The following FAF1 variants were observed in gnomAD, a reference collection of about 807,000 sequenced individuals.
FAF1 encodes Fas associated factor 1.
Under a neutral mutation model 92.5 loss-of-function variants are expected in FAF1, and 25 were observed. That is an observed-to-expected ratio of 0.27 (90% CI 0.20 to 0.38). The LOEUF is 0.38. FAF1 is among the 10% of genes least tolerant of loss of function. FAF1 has a pLI of 1.00. For synonymous variants in FAF1, 234 were observed against 273.2 expected, an observed-to-expected ratio of 0.86 and a Z score of 1.42; for missense variants, 636 against 793.3, an observed-to-expected ratio of 0.80 and a Z score of 2.38.
chr1:50,767,675 A>G (rs1183092167), intron 4 of FAF1, among the ~76,000 whole-genome samples: 2 of 152,220 alleles, frequency 1.3e-5, no homozygotes, highest in Non-Finnish European at 2.9e-5. Flanking sequence ...CTTAAGGAAA[A>G]GAAATTCTAA....
chr1:50,684,022 T>A (rs1251572262), intron 7 of FAF1, among the ~76,000 whole-genome samples: 1 of 152,124 alleles, frequency 6.6e-6, no homozygotes, highest in East Asian at 1.9e-4. Context: ...GAAAAATTAA[T>A]CAGTTAGTTA....
At chr1:50,781,770 CT>C (rs1465070701) in intron 4 of FAF1, among the ~76,000 whole-genome samples, 1 of 152,170 alleles carries the variant, frequency 6.6e-6, no homozygotes, top group South Asian at 2.1e-4. Flanking sequence ...AAGTCTTAAA[CT>C]TAAGATGACT....
intron 8 of FAF1, among the ~76,000 whole-genome samples, chr1:50,650,260 T>C (rs1569675978): frequency 1.6e-5 from 2 of 126,262 alleles, no homozygotes; most frequent in South Asian, 4.9e-4. Flanking sequence ...CTCCAGCCTG[T>C]GCAACAAGAG....
At chr1:50,724,331 C>T (rs1248648726) in intron 6 of FAF1, among the ~76,000 whole-genome samples, 8 of 120,346 alleles carry the variant, frequency 6.6e-5, no homozygotes, top group African/African-American at 3.0e-4. Context: ...ACACACACAC[C>T]CCTGCTCAGT....
chr1:50,565,263 T>C (rs1282402575), intron 13 of FAF1, among the ~76,000 whole-genome samples: 1 of 152,102 alleles, frequency 6.6e-6, no homozygotes, highest in East Asian at 1.9e-4. Context: ...TTGTGGTTCC[T>C]ATAAATGTTT....
rs990914524 is a variant in FAF1 at position 50,915,912 on chromosome 1, CT to C, written c.45+43854del. 8.5e-4 allele frequency among the ~76,000 whole-genome samples: 129 copies of C among 151,328 alleles called. 1 individual carries two copies. The highest frequency in any genetic ancestry group is 2.9e-3 in the African/African-American group (121 of 41,244). The stretch of plus-strand genomic sequence containing the variant: ...GGACAAGCAGGAACCTTTAAAAATC[CT>C]TTTTTTTTCCCCTAAAGCTGAAAAT... On this transcript the variant is annotated intron_variant, in intron 1 of 18. Transcript: ENST00000396153.
chr1:50,808,290 C>T (rs556144891), intron 2 of FAF1, among the ~76,000 whole-genome samples: 1 of 152,252 alleles, frequency 6.6e-6, no homozygotes, highest in Admixed American at 6.5e-5. Context: ...AAGACTAATA[C>T]AGGCCATCAT....
chr1:50,847,697 G>A (rs1162279917), intron 2 of FAF1, among the ~76,000 whole-genome samples: 3 of 152,028 alleles, frequency 2.0e-5, no homozygotes, highest in South Asian at 2.1e-4. Context: ...CCAACTAGAG[G>A]GAGCTGGTGG....
chr1:50,709,718 G>A (rs1342309011), intron 6 of FAF1, among the ~76,000 whole-genome samples: 2 of 152,124 alleles, frequency 1.3e-5, no homozygotes, highest in African/African-American at 2.4e-5. Flanking sequence ...GCGATACAAG[G>A]TGAACAAGAC....
chr1:50,610,332 A>C (rs1342691372), intron 8 of FAF1, among the ~76,000 whole-genome samples: 2 of 152,226 alleles, frequency 1.3e-5, no homozygotes, highest in Non-Finnish European at 2.9e-5. Context: ...AAGAGAACAT[A>C]ATTTTCTACA....
chr1:50,845,280 T>C (rs1034927597), intron 2 of FAF1, among the ~76,000 whole-genome samples: 2 of 152,218 alleles, frequency 1.3e-5, no homozygotes, highest in Non-Finnish European at 2.9e-5. Flanking sequence ...AGCGTAAGGA[T>C]ACCCAGTATT....
At chr1:50,702,327 T>G (rs374425428) in intron 7 of FAF1, among the ~76,000 whole-genome samples, 6 of 152,060 alleles carry the variant, frequency 3.9e-5, no homozygotes, top group African/African-American at 1.4e-4. Flanking sequence ...TTGACAAATC[T>G]GAATTCTCAG....
At chr1:50,890,590 A>G (rs1644710615) in intron 1 of FAF1, among the ~76,000 whole-genome samples, 3 of 152,108 alleles carry the variant, frequency 2.0e-5, no homozygotes, top group South Asian at 4.1e-4. Flanking sequence ...TTGCTTGTCT[A>G]TAAAGGATTT....
intron 1 of FAF1, among the ~76,000 whole-genome samples, chr1:50,949,924 C>T (rs543721757): frequency 2.0e-5 from 3 of 152,004 alleles, no homozygotes; most frequent in Admixed American, 6.6e-5. Flanking sequence ...TGCAGCGGTG[C>T]AATCATATCC....
chr1:50,759,367 G>A (rs960524345), intron 4 of FAF1, among the ~76,000 whole-genome samples: 3 of 136,412 alleles, frequency 2.2e-5, no homozygotes, highest in African/African-American at 8.4e-5. Context: ...TGTTCTCATT[G>A]TTCAATTCCC....
At chr1:50,452,224 A>G (rs965780247) in intron 18 of FAF1, 2 of 1,192,986 alleles carry the variant, frequency 1.7e-6, no homozygotes, top group South Asian at 1.3e-5. Context: ...CAAATAAAAG[A>G]AAGTCCCGCT....
intron 2 of FAF1, among the ~76,000 whole-genome samples, chr1:50,845,359 T>C (rs1172110570): frequency 6.6e-6 from 1 of 152,196 alleles, no homozygotes; most frequent in Non-Finnish European, 1.5e-5. Context: ...AACCTTTCCA[T>C]GGCCTTCTCA....
At chr1:50,788,600 AACTTT>A (rs1661446594) in intron 3 of FAF1, among the ~76,000 whole-genome samples, 1 of 152,148 alleles carries the variant, frequency 6.6e-6, no homozygotes, top group African/African-American at 2.4e-5. Context: ...ATTATTTTGA[AACTTT>A]ACAGTCCTTA....
At chr1:50,724,308 C>CACACAT (rs1553132442) in intron 6 of FAF1, among the ~76,000 whole-genome samples, 9 of 140,096 alleles carry the variant, frequency 6.4e-5, no homozygotes, top group African/African-American at 2.3e-4. Context: ...CACACACACA[C>CACACAT]ACACACACAC....
Sources: allele counts gnomAD v4.1 joint callset (sites outside exome capture counted in the v4.1 genomes callset), GRCh38; gene constraint gnomAD v4.1.1; transcripts MANE v1.5; gene names NCBI Gene and HGNC (gene_info 2026-07-23, HGNC 2026-07-21).